EPHA4: variants seen among roughly 807,000 people sequenced by gnomAD.
EPHA4 encodes the protein ephrin type-A receptor 4.
Under a neutral mutation model 108.3 loss-of-function variants are expected in EPHA4, and 19 were observed. That is an observed-to-expected ratio of 0.18 (90% confidence interval 0.12 to 0.26). The LOEUF (loss-of-function observed/expected upper bound fraction) is 0.26. Among genes scored for constraint, EPHA4 ranks in the 10% least tolerant of loss-of-function variants. EPHA4 has a pLI of 1.00. For missense variants in EPHA4, 917 were observed against 1,254.0 expected (o/e 0.73, Z 4.06); for synonymous variants, 449 against 455.5 (o/e 0.99, Z 0.18).
At chr2:221,551,232 T>C (rs1694150955) in intron 3 of EPHA4, among the ~76,000 whole-genome samples, 1 of 152,162 alleles carries the variant, frequency 6.6e-6, no homozygotes, top group Non-Finnish European at 1.5e-5. Context: ...ATTCACAAGA[T>C]AGTTCAATAA....
chr2:221,567,513 G>A (rs775671361), intron 2 of EPHA4, among the ~76,000 whole-genome samples: 9 of 152,156 alleles, frequency 5.9e-5, no homozygotes, highest in South Asian at 2.1e-4. Flanking sequence ...TGGTTTTAAG[G>A]GCAGACTGGA....
intron 5 of EPHA4, among the ~76,000 whole-genome samples, chr2:221,471,660 A>C (rs1691491019): frequency 1.3e-5 from 2 of 152,178 alleles, no homozygotes. Flanking sequence ...CTCCCCAAAC[A>C]ATACATCTTT....
intron 3 of EPHA4, among the ~76,000 whole-genome samples, chr2:221,520,811 A>G (rs1282932279): frequency 6.6e-6 from 1 of 152,220 alleles, no homozygotes; most frequent in Non-Finnish European, 1.5e-5. Context: ...TTCATATTTC[A>G]TAAGGTAACA....
chr2:221,449,712 C>A (rs3770179), intron 8 of EPHA4, among the ~76,000 whole-genome samples: 3 of 151,996 alleles, frequency 2.0e-5, no homozygotes, highest in Non-Finnish European at 4.4e-5. Context: ...AAAATAGAGA[C>A]GGGGAGCAAG....
At chr2:221,421,027 G>T (rs985153440) in intron 17 of EPHA4, among the ~76,000 whole-genome samples, 4 of 152,280 alleles carry the variant, frequency 2.6e-5, no homozygotes, top group East Asian at 3.9e-4. Context: ...GGCCGGGCGC[G>T]GTGGCTCACG....
intron 3 of EPHA4, among the ~76,000 whole-genome samples, chr2:221,556,901 A>G (rs1694322315): frequency 6.6e-6 from 1 of 152,210 alleles, no homozygotes; most frequent in Non-Finnish European, 1.5e-5. Context: ...TAGAAAAAAC[A>G]TAATGTATAA....
At chr2:221,519,263 C>T (rs2710510) in intron 3 of EPHA4, among the ~76,000 whole-genome samples, 1 of 152,012 alleles carries the variant, frequency 6.6e-6, no homozygotes, top group Non-Finnish European at 1.5e-5. Context: ...AACAAAACAT[C>T]GTCTATAGGA....
chr2:221,536,398 G>T (rs1693670729), intron 3 of EPHA4, among the ~76,000 whole-genome samples: 2 of 152,150 alleles, frequency 1.3e-5, no homozygotes, highest in South Asian at 4.1e-4. Flanking sequence ...ATGCGAACCT[G>T]CTCACTGAAG....
intron 2 of EPHA4, among the ~76,000 whole-genome samples, chr2:221,566,809 A>AAGG (rs1307315737): frequency 1.6e-3 from 227 of 145,144 alleles, no homozygotes; most frequent in African/African-American, 5.6e-3. Context: ...GAGGGAGAAG[A>AAGG]AGAAGAAGGA....
At chr2:221,494,383 C>T (rs933399164) in intron 4 of EPHA4, among the ~76,000 whole-genome samples, 6 of 152,176 alleles carry the variant, frequency 3.9e-5, no homozygotes, top group East Asian at 1.9e-4. Context: ...GCGGGCGGAT[C>T]GCTTGAGGTC....
At chr2:221,442,111 G>A (rs534299834) in intron 11 of EPHA4, among the ~76,000 whole-genome samples, 1 of 152,330 alleles carries the variant, frequency 6.6e-6, no homozygotes, top group Non-Finnish European at 1.5e-5. Context: ...TGTAGTAACT[G>A]TAGTGTGTAT....
At chr2:221,545,577 C>T (rs1269287749) in intron 3 of EPHA4, among the ~76,000 whole-genome samples, 1 of 152,178 alleles carries the variant, frequency 6.6e-6, no homozygotes, top group Non-Finnish European at 1.5e-5. Context: ...ATTAAACTGA[C>T]CTTCTATCCT....
chr2:221,461,713 T>C (rs918305420), intron 5 of EPHA4, among the ~76,000 whole-genome samples: 1 of 152,198 alleles, frequency 6.6e-6, no homozygotes, highest in African/African-American at 2.4e-5. Context: ...CCAAATACTT[T>C]AGCCTCTTCT....
At chr2:221,444,839 C>T (rs1424143430) in intron 9 of EPHA4, among the ~76,000 whole-genome samples, 2 of 139,744 alleles carry the variant, frequency 1.4e-5, no homozygotes, top group Non-Finnish European at 3.1e-5. Context: ...TTCACTGCAA[C>T]CTCCGCCTCC....
At chr2:221,545,562 T>A (rs1036663670) in intron 3 of EPHA4, among the ~76,000 whole-genome samples, 1 of 152,190 alleles carries the variant, frequency 6.6e-6, no homozygotes, top group Non-Finnish European at 1.5e-5. Flanking sequence ...TTTCAGCAAG[T>A]ATAAATTAAA....
chr2:221,545,199 G>A (rs576744980), intron 3 of EPHA4, among the ~76,000 whole-genome samples: 2 of 152,270 alleles, frequency 1.3e-5, no homozygotes, highest in African/African-American at 4.8e-5. Flanking sequence ...TTTAATCCCA[G>A]CACTTTGGGA....
intron 3 of EPHA4, among the ~76,000 whole-genome samples, chr2:221,525,588 G>C (rs1307506446): frequency 6.6e-6 from 1 of 152,200 alleles, no homozygotes; most frequent in Non-Finnish European, 1.5e-5. Context: ...CCACTTGAGA[G>C]AGCAGGCGAG....
In EPHA4 at chr2:221,558,090, T is replaced by C. The variant is rs534589795; in HGVS notation, c.823+5641A>G. ...AATATTCATCTTCAATGAAGGAGAA[T>C]TAAGAAAAGCTATATTCTCTAATAT... On this transcript the variant is annotated intron_variant, in intron 3 of 17. Transcript: ENST00000281821. Among the ~76,000 whole-genome samples the C allele has an allele frequency of 3.3e-5, 5 of 152,298 alleles. No individual in the cohort carries two copies. In the East Asian group the frequency reaches 5.8e-4, roughly 18 times the overall value.
chr2:221,440,795 T>C lies in EPHA4; in HGVS notation c.2074+2034A>G, dbSNP rs372532334. Among the ~76,000 whole-genome samples, 8 of 152,324 alleles carry C rather than the reference T, an allele frequency of 5.3e-5. No homozygotes were observed. The East Asian group carries it at 1.3e-3, about 26-fold the overall frequency. On this transcript the variant is annotated intron_variant, in intron 11 of 17. Transcript: ENST00000281821. ...GCAAATGCTCTTTTTACCTCCATTT[T>C]ACAGATGAGAAAACTGAAAGAGAAA...
Sources: allele counts gnomAD v4.1 joint callset (sites outside exome capture counted in the v4.1 genomes callset), GRCh38; gene constraint gnomAD v4.1.1; transcripts MANE v1.5; gene names NCBI Gene and HGNC (gene_info 2026-07-23, HGNC 2026-07-21).